SIPA1L2: variants seen among roughly 807,000 people sequenced by gnomAD.
The protein encoded by SIPA1L2 is signal induced proliferation associated 1 like 2.
SIPA1L2 carries 56 observed loss-of-function variants against 163.9 expected under a neutral mutation model. That is an observed-to-expected ratio of 0.34 (90% CI 0.28 to 0.43). SIPA1L2 has a LOEUF of 0.43. SIPA1L2 is among the 20% of genes least tolerant of loss of function. The pLI is 1.00. For missense variants in SIPA1L2, 1,974 were observed against 2,193.5 expected (o/e 0.90, Z 2.00); for synonymous variants, 877 against 865.7 (o/e 1.01, Z -0.23).
At chr1:232,551,997 GC>G (rs1272989319) in intron 2 of SIPA1L2, among the ~76,000 whole-genome samples, 1 of 151,902 alleles carries the variant, frequency 6.6e-6, no homozygotes, top group Non-Finnish European at 1.5e-5. Context: ...CCGCCCCCAC[GC>G]CTGGCTAATT....
At chr1:232,489,017 A>C (rs1453983524) in intron 5 of SIPA1L2, among the ~76,000 whole-genome samples, 2 of 152,136 alleles carry the variant, frequency 1.3e-5, no homozygotes, top group Admixed American at 1.3e-4. Flanking sequence ...TGCTCGGTAA[A>C]AGAAGCCCTA....
chr1:232,601,473 A>G (rs1341562994), intron 1 of SIPA1L2, among the ~76,000 whole-genome samples: 3 of 152,194 alleles, frequency 2.0e-5, no homozygotes, highest in African/African-American at 7.2e-5. Context: ...CACCAAACAA[A>G]GGATAACTCA....
chr1:232,492,086 T>A (rs1209588648), intron 4 of SIPA1L2, among the ~76,000 whole-genome samples: 1 of 152,226 alleles, frequency 6.6e-6, no homozygotes, highest in Admixed American at 6.5e-5. Context: ...ACTTAAAATA[T>A]GTCACTTTAG....
chr1:232,573,362 T>A (rs1573106423), intron 2 of SIPA1L2, among the ~76,000 whole-genome samples: 2 of 152,268 alleles, frequency 1.3e-5, no homozygotes, highest in East Asian at 3.9e-4. Context: ...CAAGCAAATA[T>A]CTCTATCGCA....
At position 232,588,002 on chromosome 1, in the gene SIPA1L2, G is replaced by A. The variant is rs548085705; in HGVS notation, c.-318-13780C>T. On this transcript the variant is annotated intron_variant, in intron 1 of 22. Transcript: ENST00000674635. The stretch of plus-strand genomic sequence containing the variant: ...TGGGTCCATTAAACCTCTTTCTTTT[G>A]TAAACTGCCCAGTCTCGGGTATGTC... Among the ~76,000 whole-genome samples, 234 of 152,236 alleles carry A rather than the reference G, an allele frequency of 1.5e-3. 1 individual carries two copies. Among genetic ancestry groups the A allele is most frequent in the African/African-American group, 5.4e-3 (223 of 41,542 alleles).
intron 2 of SIPA1L2, among the ~76,000 whole-genome samples, chr1:232,548,997 A>G (rs1460416666): frequency 6.6e-6 from 1 of 152,246 alleles, no homozygotes; most frequent in Non-Finnish European, 1.5e-5. Context: ...AGAGGCTTGA[A>G]TAACACTGAA....
At chr1:232,542,302 C>T (rs1657733982) in intron 2 of SIPA1L2, among the ~76,000 whole-genome samples, 1 of 152,168 alleles carries the variant, frequency 6.6e-6, no homozygotes, top group Non-Finnish European at 1.5e-5. Context: ...GCACAATCGC[C>T]TGCATCTATG....
chr1:232,430,946 C>T (rs1363348790), intron 16 of SIPA1L2, among the ~76,000 whole-genome samples: 1 of 152,170 alleles, frequency 6.6e-6, no homozygotes, highest in Non-Finnish European at 1.5e-5. Context: ...TCAAGAGACA[C>T]AAACCCCTTT....
At chr1:232,447,434 C>A (rs1366964819) in intron 10 of SIPA1L2, among the ~76,000 whole-genome samples, 1 of 152,244 alleles carries the variant, frequency 6.6e-6, no homozygotes, top group South Asian at 2.1e-4. Flanking sequence ...ATCTTGCCTT[C>A]TCCATAAGAT....
chr1:232,465,537 T>TACATACACACATAC lies in SIPA1L2; in HGVS notation c.2244-135_2244-122dup, dbSNP rs1158955538. On this transcript the variant is annotated intron_variant, in intron 8 of 22. Transcript: ENST00000674635. The surrounding 1 kb of genome is among the most constrained non-coding windows in gnomAD (Gnocchi z 4.1). ...ATACATACACACACACACACACATA[T>TACATACACACATAC]ACATACACACATACACACACACTTT... 2.6e-5 allele frequency: 21 copies of TACATACACACATAC among 792,768 alleles called. No individual in the cohort carries two copies. Among genetic ancestry groups the TACATACACACATAC allele is most frequent in the Non-Finnish European group, 7.9e-6 (4 of 505,298 alleles). 49.1% of individuals were successfully genotyped at this position (792,768 alleles called of 1,614,324 possible).
intron 5 of SIPA1L2, among the ~76,000 whole-genome samples, chr1:232,488,304 C>G (rs12737088): frequency 0.25 from 38,430 of 151,948 alleles, 4,995 homozygotes; most frequent in Admixed American, 0.35. Context: ...AACCCTTAGA[C>G]CAATAACAAA....
rs1029351771 is a variant in SIPA1L2, at chr1:232,541,546, C to G, written c.-269-25938G>C. Among the ~76,000 whole-genome samples, 5 of 152,154 alleles carry G rather than the reference C, an allele frequency of 3.3e-5. 1 individual carries two copies. Among genetic ancestry groups the G allele is most frequent in the Non-Finnish European group, 5.9e-5 (4 of 68,024 alleles). Reference sequence around the variant, plus strand: ...AAACTCCAGGTTCACTGATGCTGAACAAGTCCTAAATTCTTTTCTTGTCAA... The same window carrying G: ...AAACTCCAGGTTCACTGATGCTGAAGAAGTCCTAAATTCTTTTCTTGTCAA... On this transcript the variant is annotated intron_variant, in intron 2 of 22. Coordinates refer to ENST00000674635, the MANE Select transcript of SIPA1L2 (RefSeq NM_020808.5).
intron 16 of SIPA1L2, among the ~76,000 whole-genome samples, chr1:232,431,104 C>T (rs913785209): frequency 8.5e-5 from 13 of 152,140 alleles, no homozygotes; most frequent in Admixed American, 1.3e-4. Context: ...AAGAGTCCTT[C>T]GCCTAAACAT....
chr1:232,620,130 G>A (rs922265284), intron 1 of SIPA1L2, among the ~76,000 whole-genome samples: 1 of 152,130 alleles, frequency 6.6e-6, no homozygotes, highest in Admixed American at 6.5e-5. Flanking sequence ...TGATCCGCCC[G>A]CCTCAGCCTC....
At chr1:232,592,224 T>C (rs1661006595) in intron 1 of SIPA1L2, among the ~76,000 whole-genome samples, 1 of 152,236 alleles carries the variant, frequency 6.6e-6, no homozygotes, top group Non-Finnish European at 1.5e-5. Context: ...GCACAGACAT[T>C]TGCAGACACT....
intron 3 of SIPA1L2, among the ~76,000 whole-genome samples, chr1:232,501,674 T>C (rs1666487831): frequency 6.6e-6 from 1 of 152,190 alleles, no homozygotes; most frequent in Admixed American, 6.5e-5. Context: ...GAGGGGCAAA[T>C]AGTAAACTGG....
At chr1:232,494,958 G>T (rs1666105718) in intron 3 of SIPA1L2, among the ~76,000 whole-genome samples, 1 of 152,060 alleles carries the variant, frequency 6.6e-6, no homozygotes, top group African/African-American at 2.4e-5. Context: ...CATAATACAG[G>T]GAACATCTGC....
chr1:232,616,344 A>C (rs941887556), intron 1 of SIPA1L2, among the ~76,000 whole-genome samples: 2 of 152,226 alleles, frequency 1.3e-5, no homozygotes, highest in African/African-American at 4.8e-5. Context: ...CTAGAACAGA[A>C]GCCCAGGGAT....
At chr1:232,457,304 C>T (rs1232761188) in intron 10 of SIPA1L2, among the ~76,000 whole-genome samples, 2 of 152,132 alleles carry the variant, frequency 1.3e-5, no homozygotes, top group African/African-American at 2.4e-5. Context: ...GCTCCCATGT[C>T]AAATGATTTT....
Sources: allele counts gnomAD v4.1 joint callset (sites outside exome capture counted in the v4.1 genomes callset), GRCh38; gene constraint gnomAD v4.1.1; non-coding constraint Gnocchi (gnomAD v3.1); transcripts MANE v1.5; gene names NCBI Gene and HGNC (gene_info 2026-07-23, HGNC 2026-07-21).